The following PIK3R5 variants were observed in gnomAD, a reference collection of about 807,000 sequenced individuals.
The protein encoded by PIK3R5 is phosphoinositide-3-kinase regulatory subunit 5, also known as phosphoinositide 3-kinase regulatory subunit 5.
A neutral mutation model predicts 94.9 loss-of-function variants in PIK3R5; 32 were observed. That is an observed-to-expected ratio of 0.34 (90% CI 0.25 to 0.45). PIK3R5 has a LOEUF of 0.45. Ranked by LOEUF, PIK3R5 falls within the 20% of genes least tolerant of loss-of-function variation. The pLI is 1.00. For synonymous variants in PIK3R5, 443 were observed against 479.4 expected, an observed-to-expected ratio of 0.92 and a Z score of 0.99; for missense variants, 853 against 1,144.6, an observed-to-expected ratio of 0.75 and a Z score of 3.68.
At position 8,904,348 on chromosome 17, in the gene PIK3R5, A is replaced by G. The variant is rs1490730112; in HGVS notation, c.412+429T>C. Reference sequence around the variant, plus strand: ...TTCCTAGTACCAGCCACCTTCCCCAACCCAAACTGCATCAACCCACACACA... The same window carrying G: ...TTCCTAGTACCAGCCACCTTCCCCAGCCCAAACTGCATCAACCCACACACA... On this transcript the variant is annotated intron_variant, in intron 5 of 18. Coordinates refer to ENST00000447110, the MANE Select transcript of PIK3R5 (RefSeq NM_001142633.3). This position sits in a 1 kb window ranked among gnomAD's most constrained non-coding sequence, Gnocchi z 5.1. Among the ~76,000 whole-genome samples the G allele has an allele frequency of 2.6e-5, 4 of 152,034 alleles. No homozygotes were observed. In the South Asian group the frequency reaches 8.3e-4, roughly 32 times the overall value.
Position 8,880,513 on chromosome 17 carries a change from C to T in PIK3R5, c.*126G>A, listed in dbSNP as rs1242863717. On this transcript the variant is annotated 3_prime_UTR_variant, in exon 19 of 19. Coordinates refer to ENST00000447110, the MANE Select transcript of PIK3R5 (RefSeq NM_001142633.3). ...CTCTACTCCCAGCCCCTGCTCATTGCAGGACCCACAGTGGGACTATGGCTC... is the reference window on the plus strand; with the variant it reads ...CTCTACTCCCAGCCCCTGCTCATTGTAGGACCCACAGTGGGACTATGGCTC... 2.0e-6 allele frequency: 2 copies of T among 982,088 alleles called. No individual in the cohort carries two copies. The highest frequency in any genetic ancestry group is 2.9e-6 in the Non-Finnish European group (2 of 696,836). 60.8% of individuals were successfully genotyped at this position (982,088 alleles called of 1,614,324 possible).
At position 8,925,186 on chromosome 17, in the gene PIK3R5, TAGAC is replaced by T. The variant is rs201194405; in HGVS notation, c.-13-13683_-13-13680del. On this transcript the variant is annotated intron_variant, in intron 1 of 18. Coordinates refer to ENST00000447110, the MANE Select transcript of PIK3R5 (RefSeq NM_001142633.3). This position sits in a 1 kb window ranked among gnomAD's most constrained non-coding sequence, Gnocchi z 5.1. ...GTAGATGGATAGATGGGTAGATAGATAGACAGAAAGTAGATGGATAGATAGATAG... is the reference window on the plus strand; with the variant it reads ...GTAGATGGATAGATGGGTAGATAGATAGAAAGTAGATGGATAGATAGATAG... 9.3e-4 allele frequency among the ~76,000 whole-genome samples: 139 copies of T among 149,600 alleles called. 3 individuals are homozygous for T. Among genetic ancestry groups the T allele is most frequent in the East Asian group, 9.1e-3 (46 of 5,070 alleles).
In PIK3R5 at chr17:8,888,375, G is replaced by C; in HGVS notation, c.1412C>G (p.Ser471Cys). 6.2e-7 allele frequency: 1 copy of C among 1,607,804 alleles called. No homozygotes were observed. The highest frequency in any genetic ancestry group is 8.5e-7 in the Non-Finnish European group (1 of 1,178,388). ...CAGGGAGCGGGAGCGCTGGGCCCGG[G>C]AAGGGGGTGATACTGGTTCGTCCAG... ...SPLDEPVSPP[S>C]RAQRSRSLPQ... Residue 471 changes from serine to cysteine, a missense_variant, in exon 10 of 19, where the codon TCC (serine) becomes TGC (cysteine). Coordinates refer to ENST00000447110, the MANE Select transcript of PIK3R5 (RefSeq NM_001142633.3). The surrounding 1 kb of genome is among the most constrained non-coding windows in gnomAD (Gnocchi z 7.8).
At chr17:8,913,643 C>T (rs1026630059) in intron 1 of PIK3R5, among the ~76,000 whole-genome samples, 3 of 152,174 alleles carry the variant, frequency 2.0e-5, no homozygotes, top group South Asian at 2.1e-4. Flanking sequence ...ACCCGGGAGG[C>T]GGAGGTTGCA....
chr17:8,944,657 T>C (rs1166846506), intron 1 of PIK3R5, among the ~76,000 whole-genome samples: 1 of 152,162 alleles, frequency 6.6e-6, no homozygotes, highest in Non-Finnish European at 1.5e-5. Flanking sequence ...CACTCCTATA[T>C]CCATCTTTAC....
intron 11 of PIK3R5, 73 bp downstream of exon 11, chr17:8,887,448 G>T (rs2089892358): frequency 1.3e-6 from 2 of 1,493,530 alleles, no homozygotes; most frequent in South Asian, 2.5e-5. Context: ...TGCTTTCCAT[G>T]ACTTCCAATC....
intron 1 of PIK3R5, among the ~76,000 whole-genome samples, chr17:8,950,400 G>T (rs571132602): frequency 7.6e-4 from 115 of 152,156 alleles, no homozygotes; most frequent in African/African-American, 2.7e-3. Context: ...ATTGCATCCA[G>T]GTAGTGAGCA....
rs2089706121 is a variant in PIK3R5 at position 8,882,668 on chromosome 17, C to T, written c.2206-787G>A. Among the ~76,000 whole-genome samples the T allele has an allele frequency of 6.6e-6, 1 of 152,142 alleles. No homozygotes were observed. Among genetic ancestry groups the T allele is most frequent in the Non-Finnish European group, 1.5e-5 (1 of 68,024 alleles). On this transcript the variant is annotated intron_variant, in intron 15 of 18. Coordinates refer to ENST00000447110, the MANE Select transcript of PIK3R5 (RefSeq NM_001142633.3). This position sits in a 1 kb window ranked among gnomAD's most constrained non-coding sequence, Gnocchi z 4.1. ...CTCAACCTCAATAATATGTCCCGAC[C>T]CAAACTCAAGCTCTTCCCCAACTGG...
chr17:8,954,951 A>G (rs1225351713), intron 1 of PIK3R5, among the ~76,000 whole-genome samples: 1 of 151,726 alleles, frequency 6.6e-6, no homozygotes, highest in African/African-American at 2.4e-5. Context: ...AAAAAAAAAA[A>G]AAAAAAGATT....
In PIK3R5 at chr17:8,914,446, G is replaced by A. The variant is rs75168726; in HGVS notation, c.-13-2939C>T. Among the ~76,000 whole-genome samples, 1,025 of 152,302 alleles carry A rather than the reference G, an allele frequency of 6.7e-3. 13 individuals carry two copies. Among genetic ancestry groups the A allele is most frequent in the African/African-American group, 0.023 (976 of 41,560 alleles). ...ACGGAGTATTGTCAAGGACGTGGGC[G>A]CAGCCACTCTGGTGGGCTTGCTGGG... is the stretch of plus-strand genomic sequence containing the variant. On this transcript the variant is annotated intron_variant, in intron 1 of 18. Transcript: ENST00000447110.
At chr17:8,963,428 C>T (rs2091600629) in intron 1 of PIK3R5, among the ~76,000 whole-genome samples, 1 of 152,194 alleles carries the variant, frequency 6.6e-6, no homozygotes, top group African/African-American at 2.4e-5. Context: ...GAGCAGCCTG[C>T]ACCCCTGCCT....
intron 1 of PIK3R5, among the ~76,000 whole-genome samples, chr17:8,958,606 A>G (rs1243651770): frequency 6.6e-6 from 1 of 152,238 alleles, no homozygotes; most frequent in East Asian, 1.9e-4. Context: ...CTATGACCAC[A>G]TCAGAGAAAC....
At chr17:8,902,249 ATTTTT>A (rs397960477) in intron 5 of PIK3R5, among the ~76,000 whole-genome samples, 1 of 77,194 alleles carries the variant, frequency 1.3e-5, no homozygotes. Context: ...TGATATATTA[ATTTTT>A]TTTTTTTTTT....
chr17:8,920,354 T>C (rs2090715183), intron 1 of PIK3R5, among the ~76,000 whole-genome samples: 1 of 152,186 alleles, frequency 6.6e-6, no homozygotes, highest in African/African-American at 2.4e-5. Flanking sequence ...ACTCTAAGAC[T>C]GGGAAGGCAC....
rs2089935570 is a variant in PIK3R5, at chr17:8,888,433, G to A, written c.1354C>T (p.Pro452Ser). The A allele has an allele frequency of 1.9e-6, 3 of 1,598,784 alleles. No individual in the cohort carries two copies. The highest frequency in any genetic ancestry group is 3.5e-5 in the Admixed American group (2 of 57,170). Residue 452 changes from proline to serine, a missense_variant, in exon 10 of 19, where the codon CCC becomes TCC. Pro to Ser is a moderately conservative substitution (Grantham distance 74). Coordinates refer to ENST00000447110, the MANE Select transcript of PIK3R5 (RefSeq NM_001142633.3). This position sits in a 1 kb window ranked among gnomAD's most constrained non-coding sequence, Gnocchi z 7.8. Reference sequence around the variant, plus strand: ...CAGAGGCTCCCTGCCCGCCTCAGGGGCAGGGCCGTGTCCGAGCTGCCCTCC... The same window carrying A: ...CAGAGGCTCCCTGCCCGCCTCAGGGACAGGGCCGTGTCCGAGCTGCCCTCC... ...SLEGSSDTAL[P>S]LRRAGSLCSP...
chr17:8,907,313 G>A (rs1418830190), intron 3 of PIK3R5, among the ~76,000 whole-genome samples: 1 of 152,054 alleles, frequency 6.6e-6, no homozygotes, highest in East Asian at 1.9e-4. Flanking sequence ...TTACAGGCGT[G>A]AGCCACCATG....
rs541475731 is a variant in PIK3R5 at position 8,890,759 on chromosome 17, C to T, written c.636G>A (p.Pro212=). ...QATFGAHCDV[P]GLHCRLQAKT... Reference sequence around the variant, plus strand: ...ATACCTGTAGCCTGCAGTGCAGGCCCGGGACGTCACAGTGGGCCCCAAAGG... The same window carrying T: ...ATACCTGTAGCCTGCAGTGCAGGCCTGGGACGTCACAGTGGGCCCCAAAGG... Residue 212 remains proline (P), a synonymous_variant, in exon 7 of 19, where the codon CCG becomes CCA. Transcript: ENST00000447110. This position sits in a 1 kb window ranked among gnomAD's most constrained non-coding sequence, Gnocchi z 6.1. The T allele has an allele frequency of 8.1e-6, 13 of 1,610,446 alleles. No homozygotes were observed. The East Asian group carries it at 8.9e-5, about 11-fold the overall frequency.
intron 1 of PIK3R5, among the ~76,000 whole-genome samples, chr17:8,958,684 T>C (rs1445906373): frequency 1.3e-5 from 2 of 152,004 alleles, no homozygotes; most frequent in African/African-American, 4.8e-5. Context: ...AAAGGAACAG[T>C]CATGCATGCC....
rs1161413988 is a variant in PIK3R5 at position 8,887,211 on chromosome 17, G to A, written c.1790C>T (p.Thr597Ile). The change falls in exon 12 of 19, where the codon ACC (threonine) becomes ATC (isoleucine). Residue 597 changes from threonine (T) to isoleucine (I), a missense_variant. By Grantham distance (89) the Thr-to-Ile change is moderately conservative. This residue lies in a region of PIK3R5 where 173 missense variants were observed against 274.1 expected (regional missense o/e 0.63). Transcript: ENST00000447110. The stretch of plus-strand genomic sequence containing the variant: ...ATTGGTGCTCTCCTCCCATGGGGTG[G>A]TGCCCAGCTCCTAGGGCAAAGAACA... ...PRHASPGELG[T>I]TPWEESTNDI... 6.2e-7 allele frequency: 1 copy of A among 1,613,878 alleles called. No homozygotes were observed.
Sources: allele counts gnomAD v4.1 joint callset (sites outside exome capture counted in the v4.1 genomes callset), GRCh38; gene constraint gnomAD v4.1.1; regional missense constraint gnomAD v4.1.1; non-coding constraint Gnocchi (gnomAD v3.1); transcripts MANE v1.5; gene names NCBI Gene and HGNC (gene_info 2026-07-23, HGNC 2026-07-21).